NRXN3: variants seen among roughly 807,000 people sequenced by gnomAD.
NRXN3 encodes neurexin 3.
In NRXN3, 32 loss-of-function variants were observed where a neutral mutation model predicts 137.6. The ratio of observed to expected loss-of-function variants is 0.23; its 90% CI spans 0.18 to 0.31. NRXN3 has a LOEUF of 0.31. Ranked by LOEUF, NRXN3 falls within the 10% of genes least tolerant of loss-of-function variation. The pLI is 1.00. For missense variants in NRXN3, 1,574 were observed against 2,062.5 expected, an observed-to-expected ratio of 0.76 and a Z score of 4.59; for synonymous variants, 798 against 784.5, an observed-to-expected ratio of 1.02 and a Z score of -0.29.
intron 15 of NRXN3, among the ~76,000 whole-genome samples, chr14:79,091,479 T>G (rs2049181356): frequency 6.6e-6 from 1 of 152,142 alleles, no homozygotes; most frequent in South Asian, 2.1e-4. Context: ...CCCCTTTCCC[T>G]ATTCCTGCTT....
chr14:78,638,858 C>G (rs1412544564), intron 4 of NRXN3, among the ~76,000 whole-genome samples: 7 of 152,324 alleles, frequency 4.6e-5, no homozygotes, highest in Non-Finnish European at 1.0e-4. Flanking sequence ...CTCCATCCCC[C>G]AGGAATGAGT....
At chr14:78,673,588 C>T (rs972618246) in intron 6 of NRXN3, among the ~76,000 whole-genome samples, 29 of 152,184 alleles carry the variant, frequency 1.9e-4, no homozygotes, top group African/African-American at 7.0e-4. Flanking sequence ...GTGGCTTAAA[C>T]AACAAACATT....
In NRXN3 at chr14:78,684,062, T is replaced by G. The variant is rs551829402; in HGVS notation, c.1222-25155T>G. Among the ~76,000 whole-genome samples, 9 of 152,318 alleles carry G rather than the reference T, an allele frequency of 5.9e-5. No homozygotes were observed. In the South Asian group the frequency reaches 1.9e-3, roughly 32 times the overall value. ...TTTTCTACTTGGAGATCATATTGTC[T>G]TCTTAAATCTTTGTCCCTTAGGCTT... On this transcript the variant is annotated intron_variant, in intron 6 of 20. Transcript: ENST00000335750.
chr14:79,362,367 C>T (rs1022623442), intron 15 of NRXN3, among the ~76,000 whole-genome samples: 1 of 149,904 alleles, frequency 6.7e-6, no homozygotes, highest in Non-Finnish European at 1.5e-5. Context: ...ATTTTGGCTA[C>T]GTAGTTATGT....
intron 6 of NRXN3, among the ~76,000 whole-genome samples, chr14:78,680,006 T>A (rs1156315003): frequency 6.6e-6 from 1 of 152,160 alleles, no homozygotes; most frequent in East Asian, 1.9e-4. Flanking sequence ...TAATGACTAA[T>A]CTATAATCTA....
intron 15 of NRXN3, among the ~76,000 whole-genome samples, chr14:79,135,134 ATATTT>A (rs1417477480): frequency 6.6e-6 from 1 of 152,162 alleles, no homozygotes; most frequent in African/African-American, 2.4e-5. Context: ...CTTGACTAAA[ATATTT>A]TAGTTTAGAG....
At chr14:79,445,124 G>A (rs1053002176) in intron 15 of NRXN3, among the ~76,000 whole-genome samples, 3 of 151,992 alleles carry the variant, frequency 2.0e-5, no homozygotes, top group African/African-American at 2.4e-5. Context: ...GGCAGATCAC[G>A]AGGTCAAGAG....
intron 20 of NRXN3, among the ~76,000 whole-genome samples, chr14:79,829,899 ACT>A (rs2099317664): frequency 6.6e-6 from 1 of 152,194 alleles, no homozygotes; most frequent in African/African-American, 2.4e-5. Context: ...CACTCAACAC[ACT>A]CTGAATAGAG....
Position 78,243,444 on chromosome 14 carries a change from C to G in NRXN3, c.351C>G (p.Asp117Glu). 2 of 1,573,516 alleles carry G rather than the reference C, an allele frequency of 1.3e-6. No homozygotes were observed. Among genetic ancestry groups the G allele is most frequent in the Non-Finnish European group, 1.7e-6 (2 of 1,167,338 alleles). Reference protein sequence around the residue: ...SSWHFLMVSRDRLRTVLMLDG... With the variant: ...SSWHFLMVSRERLRTVLMLDG... ...GGCACTTCCTCATGGTGAGCCGTGA[C>G]CGCCTGCGCACGGTGCTGATGCTTG... Residue 117 changes from aspartate (D) to glutamate (E), a missense_variant, in exon 2 of 21, where the codon GAC becomes GAG. By Grantham distance (45) the Asp-to-Glu change is conservative (BLOSUM62 2). Transcript: ENST00000335750. The surrounding 1 kb of genome is among the most constrained non-coding windows in gnomAD (Gnocchi z 4.2).
At chr14:79,455,593 A>G (rs1233383943) in intron 15 of NRXN3, among the ~76,000 whole-genome samples, 1 of 152,102 alleles carries the variant, frequency 6.6e-6, no homozygotes, top group African/African-American at 2.4e-5. Flanking sequence ...ACTTTTTCTT[A>G]TAAATCTTTG....
intron 16 of NRXN3, among the ~76,000 whole-genome samples, chr14:79,508,589 A>G (rs1397634396): frequency 1.3e-5 from 2 of 150,898 alleles, no homozygotes; most frequent in Non-Finnish European, 1.5e-5. Flanking sequence ...ATGGGGTTTC[A>G]CCATGTTGGC....
chr14:78,599,594 G>A (rs2097186366), intron 4 of NRXN3, among the ~76,000 whole-genome samples: 1 of 152,038 alleles, frequency 6.6e-6, no homozygotes, highest in South Asian at 2.1e-4. Context: ...TCCTTTTCCT[G>A]TACCCCTCCA....
intron 15 of NRXN3, among the ~76,000 whole-genome samples, chr14:79,438,321 A>C (rs2095876173): frequency 6.6e-6 from 1 of 152,144 alleles, no homozygotes; most frequent in African/African-American, 2.4e-5. Flanking sequence ...TGAGTTTGTT[A>C]ATAAAAGTTC....
intron 10 of NRXN3, among the ~76,000 whole-genome samples, chr14:78,955,266 G>T (rs1227791624): frequency 6.6e-6 from 1 of 152,132 alleles, no homozygotes; most frequent in African/African-American, 2.4e-5. Context: ...ATCTGTTCTT[G>T]TTATAAAGAA....
At chr14:78,654,571 G>T (rs374738139) in intron 6 of NRXN3, among the ~76,000 whole-genome samples, 1 of 152,182 alleles carries the variant, frequency 6.6e-6, no homozygotes, top group African/African-American at 2.4e-5. Context: ...ACTTGTGTGC[G>T]TACTTCCTAA....
chr14:79,677,839 A>G (rs1567862446), intron 17 of NRXN3, among the ~76,000 whole-genome samples: 1 of 152,158 alleles, frequency 6.6e-6, no homozygotes, highest in Non-Finnish European at 1.5e-5. Context: ...CATTTCCAGT[A>G]GTTGTATGTA....
intron 8 of NRXN3, among the ~76,000 whole-genome samples, chr14:78,784,699 TA>T (rs1404722362): frequency 5.9e-5 from 9 of 152,268 alleles, no homozygotes; most frequent in Admixed American, 5.2e-4. Context: ...AGAATGAATG[TA>T]GGGGGGATCA....
At chr14:78,756,098 C>T (rs1306385669) in intron 8 of NRXN3, among the ~76,000 whole-genome samples, 2 of 152,122 alleles carry the variant, frequency 1.3e-5, no homozygotes, top group African/African-American at 4.8e-5. Flanking sequence ...ATTATTCATC[C>T]AGAGTCATTG....
chr14:79,683,739 C>T (rs1382508296), intron 17 of NRXN3, among the ~76,000 whole-genome samples: 1 of 152,152 alleles, frequency 6.6e-6, no homozygotes, highest in Non-Finnish European at 1.5e-5. Flanking sequence ...AAATCTTTCA[C>T]TCACATGGAT....
Sources: gnomAD v4.1 joint callset for allele counts (sites outside exome capture counted in the v4.1 genomes callset) on GRCh38, gnomAD v4.1.1 for gene constraint, Gnocchi (gnomAD v3.1) non-coding constraint, MANE v1.5 for transcripts, NCBI Gene and HGNC (gene_info 2026-07-23, HGNC 2026-07-21) for gene names.